Variants in MICAL3 observed in about 807,000 individuals in gnomAD.
MICAL3 encodes the protein microtubule associated monooxygenase, calponin and LIM domain containing 3.
MICAL3 carries 62 observed loss-of-function variants against 207.4 expected under a neutral mutation model. The ratio of observed to expected loss-of-function variants is 0.30; its 90% CI spans 0.24 to 0.37. The LOEUF is 0.37. Ranked by LOEUF, MICAL3 falls within the 10% of genes least tolerant of loss-of-function variation. The pLI is 1.00. For missense variants in MICAL3, 2,368 were observed against 2,635.6 expected (o/e 0.90, Z 2.22); for synonymous variants, 1,077 against 1,069.3 (o/e 1.01, Z -0.14).
intron 1 of MICAL3, among the ~76,000 whole-genome samples, chr22:17,947,395 C>G (rs1224629282): frequency 6.6e-6 from 1 of 152,178 alleles, no homozygotes; most frequent in Non-Finnish European, 1.5e-5. Context: ...TTGCTCCAAA[C>G]TCCAATTTGC....
intron 1 of MICAL3, among the ~76,000 whole-genome samples, chr22:17,963,958 G>C (rs1447944100): frequency 1.3e-5 from 2 of 152,168 alleles, no homozygotes; most frequent in Admixed American, 1.3e-4. Context: ...TACAATCTGA[G>C]ACCCTCGCAA....
intron 1 of MICAL3, among the ~76,000 whole-genome samples, chr22:17,910,517 C>A (rs2146276204): frequency 6.6e-6 from 1 of 152,326 alleles, no homozygotes; most frequent in East Asian, 1.9e-4. Context: ...AATTCCCCGG[C>A]CGAAGAGATT....
Position 17,980,790 on chromosome 22 carries a change from C to G in MICAL3, c.-75+43491G>C, listed in dbSNP as rs537345273. 1.1e-5 allele frequency: 5 copies of G among 475,966 alleles called. No individual in the cohort carries two copies. The East Asian group carries it at 2.9e-4, about 27-fold the overall frequency. 29.5% of individuals were successfully genotyped at this position (475,966 alleles called of 1,614,324 possible). A position where few individuals can be genotyped will look rare whatever the true frequency, so the allele number is the denominator to read the frequency against. On this transcript the variant is annotated intron_variant, in intron 1 of 31. Coordinates refer to ENST00000441493, the MANE Select transcript of MICAL3 (RefSeq NM_015241.3). ...TTATCATTCCGCGGCAGCAAACCAG[C>G]TGCCCGTCTGCTCCTCTGCCTCAGC... is the stretch of plus-strand genomic sequence containing the variant.
intron 1 of MICAL3, among the ~76,000 whole-genome samples, chr22:17,984,925 C>A (rs1936085305): frequency 6.6e-6 from 1 of 152,032 alleles, no homozygotes; most frequent in Non-Finnish European, 1.5e-5. Context: ...AGAGCCCAGG[C>A]CCTCCACCTC....
At chr22:17,837,698 TC>T (rs1923546568) in intron 20 of MICAL3, among the ~76,000 whole-genome samples, 1 of 152,128 alleles carries the variant, frequency 6.6e-6, no homozygotes, top group South Asian at 2.1e-4. Context: ...GGGCCAAGGG[TC>T]TGTGACAAGG....
At chr22:17,929,787 C>T (rs1404933520) in intron 1 of MICAL3, among the ~76,000 whole-genome samples, 7 of 152,074 alleles carry the variant, frequency 4.6e-5, no homozygotes, top group Admixed American at 1.3e-4. Flanking sequence ...AGGCTGGTCT[C>T]GAACTCCTGA....
At chr22:17,813,006 G>T (rs1327212950) in intron 27 of MICAL3, 4 of 152,142 alleles carry the variant, frequency 2.6e-5, no homozygotes, top group Non-Finnish European at 1.5e-5. Flanking sequence ...AGGAAAGGGG[G>T]TCCTGCTCTC....
chr22:17,949,210 G>A (rs756068659), intron 1 of MICAL3, among the ~76,000 whole-genome samples: 11 of 152,030 alleles, frequency 7.2e-5, no homozygotes, highest in East Asian at 5.8e-4. Context: ...AAATTATCTC[G>A]AAAATAAATA....
intron 19 of MICAL3, chr22:17,863,537 G>C (rs1300317824): frequency 2.0e-6 from 2 of 985,314 alleles, no homozygotes; most frequent in African/African-American, 3.5e-5. Context: ...ATTGTAGAAG[G>C]TTTAAAAGTC....
chr22:17,880,887 T>C (rs1929352378), intron 16 of MICAL3, among the ~76,000 whole-genome samples: 1 of 152,214 alleles, frequency 6.6e-6, no homozygotes, highest in Non-Finnish European at 1.5e-5. Context: ...AGTGGGGTTT[T>C]AGAAAAACAG....
rs1333718176 is a variant in MICAL3, at chr22:17,788,408, C to T, written c.*2324G>A. 6.6e-6 allele frequency: 1 copy of T among 152,304 alleles called. No homozygotes were observed. Among genetic ancestry groups the T allele is most frequent in the African/African-American group, 2.4e-5 (1 of 41,458 alleles). 9.4% of individuals were successfully genotyped at this position (152,304 alleles called of 1,614,324 possible). On this transcript the variant is annotated 3_prime_UTR_variant, in exon 32 of 32. Coordinates refer to ENST00000441493, the MANE Select transcript of MICAL3 (RefSeq NM_015241.3). ...ACGTCTGGCCACTTACAGCAGATCC[C>T]TAGGCCACACTCCTTCCAAGCCACT...
intron 19 of MICAL3, among the ~76,000 whole-genome samples, chr22:17,859,935 G>C (rs1305598953): frequency 6.6e-6 from 1 of 152,078 alleles, no homozygotes; most frequent in African/African-American, 2.4e-5. Context: ...GCAAAACTTC[G>C]CACCACTCCA....
chr22:17,875,349 A>G, intron 16 of MICAL3: 2 of 663,108 alleles, frequency 3.0e-6, no homozygotes, highest in Non-Finnish European at 4.7e-6. Context: ...GGCCCAAGTG[A>G]GGAACACTGC....
chr22:17,864,709 G>C (rs377747008), intron 19 of MICAL3, 190 bp downstream of exon 19: 2 of 1,612,846 alleles, frequency 1.2e-6, no homozygotes, highest in Non-Finnish European at 1.7e-6. Flanking sequence ...CAGCACCTCC[G>C]ACAGGCCATA....
At chr22:17,817,280 T>G in intron 26 of MICAL3, 31 bp downstream of exon 26, 2 of 1,496,334 alleles carry the variant, frequency 1.3e-6, no homozygotes, top group Non-Finnish European at 1.8e-6. Flanking sequence ...CCTCCCGCTC[T>G]GCCTGCACGC....
In MICAL3 at chr22:17,902,938, G is replaced by A. The variant is rs1450649637; in HGVS notation, c.473-191C>T. ...TTCTTAAAGGCAAATATAACCCAGT[G>A]GAAGAGCTGTTCTAGAGCAACACAC... On this transcript the variant is annotated intron_variant, in intron 3 of 31. Transcript: ENST00000441493. This position sits in a 1 kb window ranked among gnomAD's most constrained non-coding sequence, Gnocchi z 4.5. 1.3e-5 allele frequency among the ~76,000 whole-genome samples: 2 copies of A among 152,200 alleles called. No homozygotes were observed. The highest frequency in any genetic ancestry group is 2.9e-5 in the Non-Finnish European group (2 of 68,042).
chr22:17,817,724 C>A lies in MICAL3; in HGVS notation c.4937G>T (p.Arg1646Leu), dbSNP rs200399949. The A allele has an allele frequency of 1.2e-5, 19 of 1,591,136 alleles. No homozygotes were observed. The highest frequency in any genetic ancestry group is 1.7e-5 in the Admixed American group (1 of 57,930). ...SSAPSQGKER[R>L]PDSPTRPTLR... ...AGTGGGGCGTGTGGGGGAGTCAGGC[C>A]GGCGCTCCTTGCCCTGGGAGGGTGC... The change falls in exon 26 of 32, where the codon CGG becomes CTG. Residue 1646 changes from arginine (R) to leucine (L), a missense_variant. This residue lies in a region of MICAL3 where 1,770 missense variants were observed against 1,863.2 expected (regional missense o/e 0.95). Transcript: ENST00000441493.
At chr22:17,957,013 A>G (rs1460709567) in intron 1 of MICAL3, among the ~76,000 whole-genome samples, 1 of 152,200 alleles carries the variant, frequency 6.6e-6, no homozygotes, top group African/African-American at 2.4e-5. Flanking sequence ...AGACTCCTTT[A>G]AAGGAGTCTC....
At chr22:17,831,174 C>G (rs544592584) in intron 21 of MICAL3, among the ~76,000 whole-genome samples, 1 of 152,166 alleles carries the variant, frequency 6.6e-6, no homozygotes, top group Non-Finnish European at 1.5e-5. Context: ...GCCCTGGCTC[C>G]GTCTTCACCA....
Sources: allele counts gnomAD v4.1 joint callset (sites outside exome capture counted in the v4.1 genomes callset), GRCh38; gene constraint gnomAD v4.1.1; regional missense constraint gnomAD v4.1.1; non-coding constraint Gnocchi (gnomAD v3.1); transcripts MANE v1.5; gene names NCBI Gene and HGNC (gene_info 2026-07-23, HGNC 2026-07-21).